PCDHA7: variants seen among roughly 807,000 people sequenced by gnomAD.
The protein encoded by PCDHA7 is protocadherin alpha-7.
A neutral mutation model predicts 57.2 loss-of-function variants in PCDHA7; 37 were observed. That is an observed-to-expected ratio of 0.65 (90% confidence interval 0.50 to 0.85). The LOEUF is 0.85. Among genes scored for constraint, PCDHA7 ranks in the 40% least tolerant of loss-of-function variants. The probability of loss-of-function intolerance (pLI) is 0.00; values close to 1 mark genes in which losing one functional copy is unlikely to be tolerated. For synonymous variants in PCDHA7, 553 were observed against 558.8 expected (o/e 0.99, Z 0.15); for missense variants, 1,188 against 1,241.8 (o/e 0.96, Z 0.65).
At chr5:140,871,911 A>G (rs2053380850) in intron 1 of PCDHA7, among the ~76,000 whole-genome samples, 1 of 152,196 alleles carries the variant, frequency 6.6e-6, no homozygotes, top group Non-Finnish European at 1.5e-5. Flanking sequence ...TTTTGCCTTG[A>G]TATTTCCACA....
chr5:140,837,299 G>A (rs2150274522), intron 1 of PCDHA7: 88,040 of 151,626 alleles, frequency 0.58, 26,686 homozygotes, highest in African/African-American at 0.73. Context: ...ACTTTGTTGA[G>A]ATGTATTTGC....
chr5:140,966,971 C>T lies in PCDHA7; in HGVS notation c.2356-11978C>T, dbSNP rs375161984. On this transcript the variant is annotated intron_variant, in intron 1 of 3. Coordinates refer to ENST00000525929, the MANE Select transcript of PCDHA7 (RefSeq NM_018910.3). ...CGTGGCTCGCGCGCTGGGGCTTGAG[C>T]TGCGGCGCTTGGGGCCGGGTTGCTT... 13 of 1,602,690 alleles carry T rather than the reference C, an allele frequency of 8.1e-6. No homozygotes were observed. The African/African-American group carries it at 1.7e-4, about 21-fold the overall frequency.
intron 1 of PCDHA7, chr5:140,875,499 G>A (rs782342111): frequency 1.9e-6 from 3 of 1,613,354 alleles, no homozygotes; most frequent in Non-Finnish European, 2.5e-6. Context: ...CAAGAGGCCC[G>A]GGATCCCAGC....
In PCDHA7 at chr5:140,920,604, G is replaced by A. The variant is rs182788075; in HGVS notation, c.2356-58345G>A. 4.8e-4 allele frequency among the ~76,000 whole-genome samples: 73 copies of A among 152,238 alleles called. No homozygotes were observed. In the East Asian group the frequency reaches 0.011, roughly 22 times the overall value. On this transcript the variant is annotated intron_variant, in intron 1 of 3. Transcript: ENST00000525929. ...CTCACGCCTGTAATCCCAGCACTTT[G>A]GGAGGCCGAGGCGGATGGATCACAA...
chr5:140,870,133 G>A, intron 1 of PCDHA7: 1 of 1,613,974 alleles, frequency 6.2e-7, no homozygotes, highest in African/African-American at 1.3e-5. Context: ...GGACACCAAC[G>A]ATAACTCTCC....
chr5:140,970,270 T>C (rs2096394574), intron 1 of PCDHA7, among the ~76,000 whole-genome samples: 1 of 152,234 alleles, frequency 6.6e-6, no homozygotes, highest in Non-Finnish European at 1.5e-5. Context: ...TTTGATGAGA[T>C]GTAAAGTAGC....
Position 141,010,344 on chromosome 5 carries a change from G to A in PCDHA7, c.*407G>A, listed in dbSNP as rs1011321402. On this transcript the variant is annotated 3_prime_UTR_variant, in exon 4 of 4. Coordinates refer to ENST00000525929, the MANE Select transcript of PCDHA7 (RefSeq NM_018910.3). Reference sequence around the variant, plus strand: ...CAGCTTGGGAGTTTGTGGCCACTGGGTATGTGTGGCTACCGCGGGTATGCG... The same window carrying A: ...CAGCTTGGGAGTTTGTGGCCACTGGATATGTGTGGCTACCGCGGGTATGCG... 3 of 1,518,888 alleles carry A rather than the reference G, an allele frequency of 2.0e-6. No homozygotes were observed. The Admixed American group carries it at 6.4e-5, about 33-fold the overall frequency. 94.1% of individuals were successfully genotyped at this position (1,518,888 alleles called of 1,614,324 possible).
Position 140,872,661 on chromosome 5 carries a change from T to G in PCDHA7, c.2355+35923T>G, listed in dbSNP as rs544432969. Among the ~76,000 whole-genome samples the G allele has an allele frequency of 2.0e-5, 3 of 152,284 alleles. No individual in the cohort carries two copies. In the East Asian group the frequency reaches 5.8e-4, roughly 29 times the overall value. ...ATGAAAAGGCAAGAGATTTGTCAAC[T>G]ATTGGATACTCAAACAAAATGGCAT... On this transcript the variant is annotated intron_variant, in intron 1 of 3. Transcript: ENST00000525929.
intron 1 of PCDHA7, among the ~76,000 whole-genome samples, chr5:140,960,693 T>C (rs2095562408): frequency 6.6e-6 from 1 of 152,136 alleles, no homozygotes; most frequent in Non-Finnish European, 1.5e-5. Flanking sequence ...AATGAGGGTG[T>C]TCTTTAGTGC....
intron 1 of PCDHA7, among the ~76,000 whole-genome samples, chr5:140,950,849 T>G (rs1403920591): frequency 6.6e-6 from 1 of 152,120 alleles, no homozygotes; most frequent in Non-Finnish European, 1.5e-5. Flanking sequence ...ATACATTTCT[T>G]TCATATTCTT....
chr5:140,893,781 G>A (rs113070458), intron 1 of PCDHA7, among the ~76,000 whole-genome samples: 3 of 151,996 alleles, frequency 2.0e-5, no homozygotes, highest in African/African-American at 4.8e-5. Flanking sequence ...TTCTTTTACC[G>A]TTTTTAGAAT....
At chr5:140,963,060 T>C (rs539314958) in intron 1 of PCDHA7, among the ~76,000 whole-genome samples, 11 of 152,154 alleles carry the variant, frequency 7.2e-5, no homozygotes, top group Non-Finnish European at 1.6e-4. Context: ...GGTTTCTACA[T>C]TGTGAAGGAG....
chr5:140,856,038 A>G (rs2043738417), intron 1 of PCDHA7: 2 of 1,568,894 alleles, frequency 1.3e-6, no homozygotes, highest in Non-Finnish European at 1.7e-6. Context: ...GTAAAACAAG[A>G]GAAGGATAAG....
In PCDHA7 at chr5:140,926,166, C is replaced by G. The variant is rs116217295; in HGVS notation, c.2356-52783C>G. 1.9e-3 allele frequency among the ~76,000 whole-genome samples: 292 copies of G among 151,864 alleles called. 1 individual carries two copies. The highest frequency in any genetic ancestry group is 6.7e-3 in the African/African-American group (280 of 41,552). ...AGCGCGGAAAGCTCTGCAGCAGGAT[C>G]CAGCGCGGAAAGCCCCCCGCAGCAC... On this transcript the variant is annotated intron_variant, in intron 1 of 3. Coordinates refer to ENST00000525929, the MANE Select transcript of PCDHA7 (RefSeq NM_018910.3).
chr5:140,905,664 T>A (rs1456741391), intron 1 of PCDHA7, among the ~76,000 whole-genome samples: 1 of 152,246 alleles, frequency 6.6e-6, no homozygotes, highest in African/African-American at 2.4e-5. Flanking sequence ...CTGTCATCCA[T>A]TAACATGGAA....
chr5:140,916,871 T>C (rs1321229691), intron 1 of PCDHA7, among the ~76,000 whole-genome samples: 1 of 152,162 alleles, frequency 6.6e-6, no homozygotes, highest in African/African-American at 2.4e-5. Context: ...ACCTAGGAAT[T>C]GCAATCCTTG....
chr5:140,928,852 G>T, intron 1 of PCDHA7: 1 of 1,614,172 alleles, frequency 6.2e-7, no homozygotes, highest in Non-Finnish European at 8.5e-7. Flanking sequence ...CACTCTGGGT[G>T]TGCTGTTGAG....
In PCDHA7 at chr5:140,936,292, T is replaced by C. The variant is rs74627153; in HGVS notation, c.2356-42657T>C. Among the ~76,000 whole-genome samples the C allele has an allele frequency of 4.3e-3, 649 of 152,348 alleles. 6 individuals are homozygous for C. Among genetic ancestry groups the C allele is most frequent in the African/African-American group, 0.013 (538 of 41,592 alleles). On this transcript the variant is annotated intron_variant, in intron 1 of 3. Transcript: ENST00000525929. Reference sequence around the variant, plus strand: ...TATTCCTGTGTTTTCTTCTATAACATTGCTATCCAATAGAACTTTCTGACA... The same window carrying C: ...TATTCCTGTGTTTTCTTCTATAACACTGCTATCCAATAGAACTTTCTGACA...
chr5:140,869,388 G>C lies in PCDHA7; in HGVS notation c.2355+32650G>C, dbSNP rs529836794. On this transcript the variant is annotated intron_variant, in intron 1 of 3. Transcript: ENST00000525929. Reference sequence around the variant, plus strand: ...ATTCTCGGATCGACCGCGAGGAGCTGTGCGGGCAGAGCGCGGAGTGCAGCA... The same window carrying C: ...ATTCTCGGATCGACCGCGAGGAGCTCTGCGGGCAGAGCGCGGAGTGCAGCA... 3.7e-6 allele frequency: 6 copies of C among 1,614,204 alleles called. No homozygotes were observed. The African/African-American group carries it at 6.7e-5, about 18-fold the overall frequency.
Sources: allele counts gnomAD v4.1 joint callset (sites outside exome capture counted in the v4.1 genomes callset), GRCh38; gene constraint gnomAD v4.1.1; transcripts MANE v1.5; gene names NCBI Gene and HGNC (gene_info 2026-07-23, HGNC 2026-07-21).